The following ATG2A variants were observed in gnomAD, a reference collection of about 807,000 sequenced individuals.
The protein encoded by ATG2A is autophagy-related protein 2 homolog A.
ATG2A carries 103 observed loss-of-function variants against 214.2 expected under a neutral mutation model. The ratio of observed to expected loss-of-function variants is 0.48; its 90% CI spans 0.41 to 0.57. The LOEUF (loss-of-function observed/expected upper bound fraction) is 0.57. Ranked by LOEUF, ATG2A falls within the 20% of genes least tolerant of loss-of-function variation. The probability of loss-of-function intolerance (pLI) is 0.00; values close to 1 mark genes in which losing one functional copy is unlikely to be tolerated. For synonymous variants in ATG2A, 1,160 were observed against 1,142.1 expected (o/e 1.02, Z -0.32); for missense variants, 2,312 against 2,613.2 (o/e 0.88, Z 2.51).
At chr11:64,901,922 T>G (rs1240671875) in intron 29 of ATG2A, 40 bp downstream of exon 29, 2 of 1,602,974 alleles carry the variant, frequency 1.2e-6, no homozygotes, top group African/African-American at 2.7e-5. Context: ...CAAACACACC[T>G]GCCTGGACGG....
At position 64,895,320 on chromosome 11, in the gene ATG2A, A is replaced by C. The variant is rs1373180579; in HGVS notation, c.5550T>G (p.Gly1850=). 1 of 1,613,276 alleles carries C rather than the reference A, an allele frequency of 6.2e-7. No individual in the cohort carries two copies. Reference sequence around the variant, plus strand: ...GCACTGTGTCGTAGGCCTTGGCCACACCCTCCCGCAGGTCGGCAGGCTGCT... The same window carrying C: ...GCACTGTGTCGTAGGCCTTGGCCACCCCCTCCCGCAGGTCGGCAGGCTGCT... ...RGQQPADLRE[G]VAKAYDTVRE... is the part of the protein sequence containing the mutation. The change falls in exon 40 of 41, where the codon GGT becomes GGG. Residue 1850 remains glycine (G), a synonymous_variant. Transcript: ENST00000377264. The surrounding 1 kb of genome is among the most constrained non-coding windows in gnomAD (Gnocchi z 5.0).
chr11:64,903,717 G>A lies in ATG2A; in HGVS notation c.3465-57C>T, dbSNP rs186332208. ...GCACCGCTGCAGGGGGCAGCTCCAC[G>A]GGAGCCGAGCAGAGGGGTCCCAAGC... On this transcript the variant is annotated intron_variant, in intron 24 of 40. Coordinates refer to ENST00000377264, the MANE Select transcript of ATG2A (RefSeq NM_015104.3). The surrounding 1 kb of genome is among the most constrained non-coding windows in gnomAD (Gnocchi z 4.2). The A allele has an allele frequency of 2.2e-3, 3,382 of 1,508,134 alleles. 8 individuals are homozygous for A. Among genetic ancestry groups the A allele is most frequent in the Middle Eastern group, 8.8e-3 (47 of 5,338 alleles). 93.4% of individuals were successfully genotyped at this position (1,508,134 alleles called of 1,614,324 possible).
In ATG2A at chr11:64,895,280, G is replaced by T; in HGVS notation, c.5580+10C>A. ...CATGGGGGACTGGGGCAGGGCGGGG[G>T]CCTGGTCACCTCTCGCACTGTGTCG... On this transcript the variant is annotated intron_variant, in intron 40 of 40. Coordinates refer to ENST00000377264, the MANE Select transcript of ATG2A (RefSeq NM_015104.3). The surrounding 1 kb of genome is among the most constrained non-coding windows in gnomAD (Gnocchi z 5.0). 1 of 1,613,188 alleles carries T rather than the reference G, an allele frequency of 6.2e-7. No homozygotes were observed.
chr11:64,912,103 GAAGGGGGTTGGT>G lies in ATG2A; in HGVS notation c.1057_1068del (p.Thr353_Leu356del). 1 of 1,613,600 alleles carries G rather than the reference GAAGGGGGTTGGT, an allele frequency of 6.2e-7. No individual in the cohort carries two copies. On this transcript the variant is annotated inframe_deletion, in exon 8 of 41. Coordinates refer to ENST00000377264, the MANE Select transcript of ATG2A (RefSeq NM_015104.3). ...CACCCACCAGTGTTATCCAGGTTGAGAAGGGGGTTGGTAAGGGGGTCTGGGCTGAGGGGCTCA... is the reference window on the plus strand; with the variant it reads ...CACCCACCAGTGTTATCCAGGTTGAGAAGGGGGTCTGGGCTGAGGGGCTCA...
Position 64,897,948 on chromosome 11 carries a change from T to G in ATG2A, c.4885A>C (p.Ser1629Arg). ...EARPETRAQP[S>R]SPLEGQAEGV... is the part of the protein sequence containing the mutation. ...TCGGCCTGCCCTTCCAGGGGGCTGC[T>G]GGGCTGGGCTCGAGTCTCGGGGCGA... The change falls in exon 35 of 41, where the codon AGC becomes CGC. Residue 1629 changes from serine to arginine, a missense_variant. Ser to Arg is a moderately radical substitution (Grantham distance 110, BLOSUM62 -1). Transcript: ENST00000377264. 1.9e-6 allele frequency: 3 copies of G among 1,549,962 alleles called. No individual in the cohort carries two copies. The highest frequency in any genetic ancestry group is 2.6e-6 in the Non-Finnish European group (3 of 1,150,596).
chr11:64,901,673 C>A (rs1944355228), intron 29 of ATG2A, among the ~76,000 whole-genome samples: 1 of 152,188 alleles, frequency 6.6e-6, no homozygotes, highest in African/African-American at 2.4e-5. Flanking sequence ...CTCTTGCTAA[C>A]TGCCCTCTCC....
chr11:64,903,581 C>A lies in ATG2A; in HGVS notation c.3535+9G>T. ...AGAGGGGAGGGAGCCCAGTCCCGGC[C>A]CTGCCCACCTCGCCGCAGGTCCAGG... On this transcript the variant is annotated intron_variant, in intron 25 of 40. Transcript: ENST00000377264. The surrounding 1 kb of genome is among the most constrained non-coding windows in gnomAD (Gnocchi z 4.2). 6.5e-7 allele frequency: 1 copy of A among 1,545,574 alleles called. No homozygotes were observed. Among genetic ancestry groups the A allele is most frequent in the Non-Finnish European group, 8.7e-7 (1 of 1,143,508 alleles).
At chr11:64,896,179 ACCC>A (rs1054642929) in intron 39 of ATG2A, among the ~76,000 whole-genome samples, 8 of 151,656 alleles carry the variant, frequency 5.3e-5, no homozygotes, top group African/African-American at 1.9e-4. Context: ...GCCGTCCTCC[ACCC>A]CCCTTTACAA....
At position 64,901,962 on chromosome 11, in the gene ATG2A, C is replaced by A; in HGVS notation, c.4119G>T (p.Pro1373=). ...CTGGTCCATCCCTCCCACCACGCACCGGGATGCCCAGGCCGGGAGCATCAA... is the reference window on the plus strand; with the variant it reads ...CTGGTCCATCCCTCCCACCACGCACAGGGATGCCCAGGCCGGGAGCATCAA... The part of the protein sequence containing the change: ...CILDAPGLGI[P]PRDGEPVVTQ... The change falls in exon 29 of 41, where the codon CCG becomes CCT. Residue 1373 remains proline, a splice_region_variant and synonymous_variant. Coordinates refer to ENST00000377264, the MANE Select transcript of ATG2A (RefSeq NM_015104.3). The A allele has an allele frequency of 6.2e-7, 1 of 1,612,494 alleles. No individual in the cohort carries two copies. Among genetic ancestry groups the A allele is most frequent in the South Asian group, 1.1e-5 (1 of 91,084 alleles).
chr11:64,899,802 G>A (rs1391352125), intron 31 of ATG2A, among the ~76,000 whole-genome samples: 1 of 151,760 alleles, frequency 6.6e-6, no homozygotes, highest in Non-Finnish European at 1.5e-5. Context: ...ATTCTGGGTC[G>A]CTGGTTATGC....
At chr11:64,906,967 C>T in intron 19 of ATG2A, 152 bp from the exon 20 acceptor site, 1 of 1,076,266 alleles carries the variant, frequency 9.3e-7, no homozygotes, top group Non-Finnish European at 1.3e-6. Context: ...GCACTTGCCT[C>T]TTTTGCCAGG....
At position 64,898,652 on chromosome 11, in the gene ATG2A, C is replaced by A; in HGVS notation, c.4655G>T (p.Arg1552Leu). The change falls in exon 32 of 41, where the codon CGT becomes CTT. Residue 1552 changes from arginine to leucine, a missense_variant. By Grantham distance (102) the Arg-to-Leu change is moderately radical. Coordinates refer to ENST00000377264, the MANE Select transcript of ATG2A (RefSeq NM_015104.3). The surrounding 1 kb of genome is among the most constrained non-coding windows in gnomAD (Gnocchi z 4.5). ...CGCTCATACCATGTTAGAGTGGGCA[C>A]GTCGCGGCATCCGCTCACTCGTGTG... ...YLHTSERMPR[R>L]AHSNMLTIKA... 1.2e-6 allele frequency: 2 copies of A among 1,613,962 alleles called. No individual in the cohort carries two copies. The highest frequency in any genetic ancestry group is 1.7e-6 in the Non-Finnish European group (2 of 1,179,926).
In ATG2A at chr11:64,894,850, G is replaced by C; in HGVS notation, c.*123C>G. 2 of 1,181,862 alleles carry C rather than the reference G, an allele frequency of 1.7e-6. No individual in the cohort carries two copies. Among genetic ancestry groups the C allele is most frequent in the Non-Finnish European group, 1.3e-6 (1 of 799,474 alleles). The allele number at this position is 1,181,862 out of a possible 1,614,324, so 73.2% of individuals were successfully genotyped here. A position where few individuals can be genotyped will look rare whatever the true frequency, so the allele number is the denominator to read the frequency against. On this transcript the variant is annotated 3_prime_UTR_variant, in exon 41 of 41. Transcript: ENST00000377264. The stretch of plus-strand genomic sequence containing the variant: ...AGCAGATTGGCAACGGGCAGGCTGG[G>C]AAGGCGTCCTTCACAGTGGCCATCC...
chr11:64,894,943 AGCACCCTCTGGGTGC>A lies in ATG2A; in HGVS notation c.*15_*29del. ...TGGGAGGCTCAGGAGCATGGTGGGC[AGCACCCTCTGGGTGC>A]CGGGCACCCCAGGCTCAGTCTTGGG... is the stretch of plus-strand genomic sequence containing the variant. On this transcript the variant is annotated 3_prime_UTR_variant, in exon 41 of 41. Coordinates refer to ENST00000377264, the MANE Select transcript of ATG2A (RefSeq NM_015104.3). 6.2e-7 allele frequency: 1 copy of A among 1,606,414 alleles called. No homozygotes were observed. The highest frequency in any genetic ancestry group is 8.5e-7 in the Non-Finnish European group (1 of 1,175,076).
In ATG2A at chr11:64,912,489, C is replaced by T. The variant is rs149621632; in HGVS notation, c.826-66G>A. ...CCCAGCTCCTCTAAGAGCTACCACCCGCCTGCCCTCGCCCTGGGAAAGCAG... is the reference window on the plus strand; with the variant it reads ...CCCAGCTCCTCTAAGAGCTACCACCTGCCTGCCCTCGCCCTGGGAAAGCAG... On this transcript the variant is annotated intron_variant, in intron 6 of 40. Transcript: ENST00000377264. The T allele has an allele frequency of 2.5e-4, 332 of 1,328,868 alleles. 3 individuals are homozygous for T. The African/African-American group carries it at 4.0e-3, about 16-fold the overall frequency. The allele number at this position is 1,328,868 out of a possible 1,614,324, so 82.3% of individuals were successfully genotyped here. A position where few individuals can be genotyped will look rare whatever the true frequency, so the allele number is the denominator to read the frequency against.
chr11:64,900,480 G>C lies in ATG2A; in HGVS notation c.4464+14C>G, dbSNP rs369828530. On this transcript the variant is annotated intron_variant, in intron 31 of 40. Coordinates refer to ENST00000377264, the MANE Select transcript of ATG2A (RefSeq NM_015104.3). ...TGACACACACGTGTAGTAGGCACTC[G>C]CCACCCCACTCACCTTGCTCAGCTG... 6.2e-7 allele frequency: 1 copy of C among 1,612,898 alleles called. No homozygotes were observed.
chr11:64,898,518 A>G lies in ATG2A; in HGVS notation c.4671+118T>C. 2.2e-6 allele frequency: 3 copies of G among 1,391,746 alleles called. No individual in the cohort carries two copies. The highest frequency in any genetic ancestry group is 3.0e-6 in the Non-Finnish European group (3 of 1,007,144). 86.2% of individuals were successfully genotyped at this position (1,391,746 alleles called of 1,614,324 possible). On this transcript the variant is annotated intron_variant, in intron 32 of 40. Coordinates refer to ENST00000377264, the MANE Select transcript of ATG2A (RefSeq NM_015104.3). This position sits in a 1 kb window ranked among gnomAD's most constrained non-coding sequence, Gnocchi z 4.5. ...GCTCTGCCCTTCTCCCAGGCTCACA[A>G]ACAACCTGGGTGTTTGTGTGGGAAT...
At position 64,911,890 on chromosome 11, in the gene ATG2A, G is replaced by A. The variant is rs35115827; in HGVS notation, c.1180C>T (p.Arg394Cys). ...LSDVDLASSV[R>C]SDMASRRLSA... ...AGCCGGCGGGAGGCCATGTCGCTGCGCACAGAGGAGGCCAGGTCTACATCG... is the reference window on the plus strand; with the variant it reads ...AGCCGGCGGGAGGCCATGTCGCTGCACACAGAGGAGGCCAGGTCTACATCG... The change falls in exon 9 of 41, where the codon CGC (arginine) becomes TGC (cysteine). Residue 394 changes from arginine (R) to cysteine (C), a missense_variant. Coordinates refer to ENST00000377264, the MANE Select transcript of ATG2A (RefSeq NM_015104.3). 77,572 of 1,613,440 alleles carry A rather than the reference G, an allele frequency of 0.048. 2,574 individuals are homozygous for A. Among genetic ancestry groups the A allele is most frequent in the African/African-American group, 0.14 (10,503 of 75,010 alleles).
chr11:64,899,279 T>A (rs1183100251), intron 31 of ATG2A, among the ~76,000 whole-genome samples: 1 of 152,194 alleles, frequency 6.6e-6, no homozygotes, highest in Non-Finnish European at 1.5e-5. Context: ...TTGCTTCCCA[T>A]GCCAGCTGCA....
Sources: gnomAD v4.1 joint callset for allele counts (sites outside exome capture counted in the v4.1 genomes callset) on GRCh38, gnomAD v4.1.1 for gene constraint, Gnocchi (gnomAD v3.1) non-coding constraint, MANE v1.5 for transcripts, NCBI Gene and HGNC (gene_info 2026-07-23, HGNC 2026-07-21) for gene names.